Variants in ATR observed in about 807,000 individuals in gnomAD.
The protein encoded by ATR is serine/threonine-protein kinase ATR.
A neutral mutation model predicts 305.3 loss-of-function variants in ATR; 142 were observed. The ratio of observed to expected loss-of-function variants is 0.47; its 90% CI spans 0.41 to 0.53. ATR has a LOEUF of 0.53. Ranked by LOEUF, ATR falls within the 20% of genes least tolerant of loss-of-function variation. ATR has a pLI of 0.00. For missense variants in ATR, 2,135 were observed against 3,133.1 expected, an observed-to-expected ratio of 0.68 and a Z score of 7.60; for synonymous variants, 1,050 against 1,068.1, an observed-to-expected ratio of 0.98 and a Z score of 0.33.
chr3:142,519,150 T>G (rs9867946), intron 24 of ATR, among the ~76,000 whole-genome samples: 10,127 of 152,188 alleles, frequency 0.067, 1,087 homozygotes, highest in African/African-American at 0.23. Context: ...TTCAATAAAT[T>G]TATCTGAATA....
intron 36 of ATR, among the ~76,000 whole-genome samples, chr3:142,482,547 C>G (rs1212812804): frequency 2.0e-5 from 3 of 152,048 alleles, no homozygotes; most frequent in Non-Finnish European, 2.9e-5. Context: ...TTCAAAAGAA[C>G]TGGGCCAAGA....
At chr3:142,462,170 T>C (rs1024514890) in intron 41 of ATR, 80 bp from the exon 42 acceptor site, 2 of 1,378,518 alleles carry the variant, frequency 1.5e-6, no homozygotes, top group Non-Finnish European at 2.0e-6. Context: ...ATTTAAAGAT[T>C]GTTCATTTCA....
Position 142,554,004 on chromosome 3 carries a change from T to C in ATR, c.2353A>G (p.Asn785Asp). The C allele has an allele frequency of 6.2e-7, 1 of 1,607,084 alleles. No individual in the cohort carries two copies. Residue 785 changes from asparagine (N) to aspartate (D), a missense_variant, in exon 11 of 47, where the codon AAT becomes GAT. Coordinates refer to ENST00000350721, the MANE Select transcript of ATR (RefSeq NM_001184.4). ...AGATGCTTACAAAGATGATGTAGATTATCTATGAAAGCTGAAGGACAAGAG... is the reference window on the plus strand; with the variant it reads ...AGATGCTTACAAAGATGATGTAGATCATCTATGAAAGCTGAAGGACAAGAG... ...PSPVKLAFID[N>D]LHHLCKHLDF...
In ATR at chr3:142,578,516, AT is replaced by A. The variant is rs963016174; in HGVS notation, c.59+129del. 4 of 1,089,796 alleles carry A rather than the reference AT, an allele frequency of 3.7e-6. No individual in the cohort carries two copies. The African/African-American group carries it at 4.8e-5, about 13-fold the overall frequency. The allele number at this position is 1,089,796 out of a possible 1,614,324, so 67.5% of individuals were successfully genotyped here. ...GAAGCGCCCAAATCAGCCACGGAGC[AT>A]CTCCACAAGGGCCGCAGCGGGGGCT... is the stretch of plus-strand genomic sequence containing the variant. On this transcript the variant is annotated intron_variant, in intron 1 of 46. Transcript: ENST00000350721.
At chr3:142,484,679 G>A (rs974320984) in intron 36 of ATR, among the ~76,000 whole-genome samples, 4 of 152,184 alleles carry the variant, frequency 2.6e-5, no homozygotes, top group East Asian at 1.9e-4. Context: ...AAGTTCCAGA[G>A]GCCCAGACTT....
intron 21 of ATR, among the ~76,000 whole-genome samples, chr3:142,527,329 C>T (rs189481643): frequency 1.1e-3 from 173 of 151,882 alleles, no homozygotes; most frequent in Non-Finnish European, 2.0e-3. Flanking sequence ...TTTAAAAATC[C>T]CCTTATCTGG....
At position 142,562,974 on chromosome 3, in the gene ATR, C is replaced by G; in HGVS notation, c.428G>C (p.Gly143Ala). 1.2e-6 allele frequency: 2 copies of G among 1,606,754 alleles called. No individual in the cohort carries two copies. The highest frequency in any genetic ancestry group is 1.7e-6 in the Non-Finnish European group (2 of 1,178,146). Reference sequence around the variant, plus strand: ...TTGTAATAATTCTTTTGTGAGTACCCCAAAAATAGCAGGACTCTTGCTTTT... The same window carrying G: ...TTGTAATAATTCTTTTGTGAGTACCGCAAAAATAGCAGGACTCTTGCTTTT... Reference protein sequence around the residue: ...LFKSKSPAIFGVLTKELLQLF... With the variant: ...LFKSKSPAIFAVLTKELLQLF... Residue 143 changes from glycine to alanine, a missense_variant, in exon 4 of 47, where the codon GGG (glycine) becomes GCG (alanine). Transcript: ENST00000350721.
chr3:142,492,150 T>C (rs62276437), intron 35 of ATR, among the ~76,000 whole-genome samples: 35,275 of 152,078 alleles, frequency 0.23, 5,116 homozygotes, highest in South Asian at 0.49. Flanking sequence ...CCTTCTAGTA[T>C]GGATATAGAG....
At chr3:142,557,598 G>T (rs577445897) in intron 8 of ATR, among the ~76,000 whole-genome samples, 2 of 152,236 alleles carry the variant, frequency 1.3e-5, no homozygotes, top group East Asian at 3.9e-4. Flanking sequence ...ATTCAGAACA[G>T]TAGTAATCTC....
intron 45 of ATR, among the ~76,000 whole-genome samples, chr3:142,456,058 G>A (rs1055190883): frequency 1.3e-5 from 2 of 152,096 alleles, no homozygotes; most frequent in African/African-American, 2.4e-5. Flanking sequence ...GCTCATGCCT[G>A]TAATCCCAGC....
rs747866858 is a variant in ATR, at chr3:142,562,526, T to G, written c.876A>C (p.Glu292Asp). The part of the protein sequence containing the change: ...EMDTDQLKLY[E>D]EPLSKLIKTL... ...TCTTTATCAGCTTTGATAATGGCTCTTCATAGAGTTTCAATTGGTCAGTAT... is the reference window on the plus strand; with the variant it reads ...TCTTTATCAGCTTTGATAATGGCTCGTCATAGAGTTTCAATTGGTCAGTAT... Residue 292 changes from glutamate (E) to aspartate (D), a missense_variant, in exon 4 of 47, where the codon GAA becomes GAC. Physicochemically the swap from Glu to Asp is conservative, Grantham distance 45 (BLOSUM62 2). Coordinates refer to ENST00000350721, the MANE Select transcript of ATR (RefSeq NM_001184.4). 3.1e-6 allele frequency: 5 copies of G among 1,613,652 alleles called. No homozygotes were observed. The highest frequency in any genetic ancestry group is 1.7e-5 in the Admixed American group (1 of 59,924).
At chr3:142,553,163 T>C in intron 13 of ATR, 64 bp downstream of exon 13, 1 of 1,545,072 alleles carries the variant, frequency 6.5e-7, no homozygotes, top group Non-Finnish European at 8.9e-7. Context: ...TAAATATTCT[T>C]CTTTTTTGTA....
rs1357125339 is a variant in ATR at position 142,553,439 on chromosome 3, C to CAT, written c.2634-42_2634-41insAT. On this transcript the variant is annotated intron_variant, in intron 12 of 46. Transcript: ENST00000350721. ...ACATACATATGAATACACAAACACACACACACACACACACACACATACACA... is the reference window on the plus strand; with the variant it reads ...ACATACATATGAATACACAAACACACATACACACACACACACACACATACACA... 6.6e-6 allele frequency: 10 copies of CAT among 1,521,364 alleles called. No homozygotes were observed. The East Asian group carries it at 2.0e-4, about 31-fold the overall frequency. 94.2% of individuals were successfully genotyped at this position (1,521,364 alleles called of 1,614,324 possible). A position where few individuals can be genotyped will look rare whatever the true frequency, so the allele number is the denominator to read the frequency against.
chr3:142,480,259 G>A (rs558415899), intron 36 of ATR, among the ~76,000 whole-genome samples: 4 of 152,246 alleles, frequency 2.6e-5, no homozygotes, highest in East Asian at 1.9e-4. Context: ...GTACAGATGC[G>A]GTTTTGGTGT....
rs1248280730 is a variant in ATR, at chr3:142,497,082, G to A, written c.5669C>T (p.Thr1890Ile). 5 of 1,613,912 alleles carry A rather than the reference G, an allele frequency of 3.1e-6. No homozygotes were observed. Among genetic ancestry groups the A allele is most frequent in the Non-Finnish European group, 4.2e-6 (5 of 1,179,948 alleles). Reference sequence around the variant, plus strand: ...CTCCTTGGCTCTGTAGGAATTCTGGGTCATTTCTAGTCGAGCTACCCAGTT... The same window carrying A: ...CTCCTTGGCTCTGTAGGAATTCTGGATCATTTCTAGTCGAGCTACCCAGTT... ...SLNWVARLEM[T>I]QNSYRAKEPI... Residue 1890 changes from threonine (T) to isoleucine (I), a missense_variant, in exon 33 of 47, where the codon ACC (threonine) becomes ATC (isoleucine). By Grantham distance (89) the Thr-to-Ile change is moderately conservative (BLOSUM62 -1). This residue lies in a region of ATR where 117 missense variants were observed against 198.3 expected (regional missense o/e 0.59). Coordinates refer to ENST00000350721, the MANE Select transcript of ATR (RefSeq NM_001184.4).
At chr3:142,482,519 A>G (rs1159457033) in intron 36 of ATR, among the ~76,000 whole-genome samples, 3 of 152,320 alleles carry the variant, frequency 2.0e-5, no homozygotes. Flanking sequence ...AGCAAACAAA[A>G]GAAGCTATTA....
rs371791554 is a variant in ATR, at chr3:142,559,440, G to A, written c.1543C>T (p.Arg515Cys). The A allele has an allele frequency of 1.6e-5, 26 of 1,612,586 alleles. No individual in the cohort carries two copies. Among genetic ancestry groups the A allele is most frequent in the Admixed American group, 1.2e-4 (7 of 59,986 alleles). ...TTATGTTGACAGTCCTTGAAAGTACGGCTGCAGTAAGTACATTTTGTTAAA... is the reference window on the plus strand; with the variant it reads ...TTATGTTGACAGTCCTTGAAAGTACAGCTGCAGTAAGTACATTTTGTTAAA... ...VHCSHQNMNC[R>C]TFKDCQHKSK... Residue 515 changes from arginine to cysteine, a missense_variant and splice_region_variant, in exon 7 of 47, where the codon CGT (arginine) becomes TGT (cysteine). By Grantham distance (180) the Arg-to-Cys change is radical. Transcript: ENST00000350721.
intron 23 of ATR, among the ~76,000 whole-genome samples, chr3:142,520,023 C>T (rs945854548): frequency 3.3e-5 from 5 of 152,110 alleles, no homozygotes; most frequent in African/African-American, 1.2e-4. Context: ...ACAACATATG[C>T]TCACTTCATG....
chr3:142,568,192 A>G, intron 1 of ATR, 38 bp from the exon 2 acceptor site: 1 of 1,548,162 alleles, frequency 6.5e-7, no homozygotes, highest in African/African-American at 1.4e-5. Context: ...CCTTAAAGTG[A>G]CTCAGTTTCA....
Sources: gnomAD v4.1 joint callset for allele counts (sites outside exome capture counted in the v4.1 genomes callset) on GRCh38, gnomAD v4.1.1 for gene constraint, gnomAD v4.1.1 regional missense constraint, MANE v1.5 for transcripts, NCBI Gene and HGNC (gene_info 2026-07-23, HGNC 2026-07-21) for gene names.